The following ANK2 variants were observed in gnomAD, a reference collection of about 807,000 sequenced individuals.
ANK2 encodes ankyrin 2.
Under a neutral mutation model 360.5 loss-of-function variants are expected in ANK2, and 83 were observed. The ratio of observed to expected loss-of-function variants is 0.23; its 90% CI spans 0.19 to 0.28. The LOEUF is 0.28. ANK2 is among the 10% of genes least tolerant of loss of function. The probability of loss-of-function intolerance (pLI) is 1.00; values close to 1 mark genes in which losing one functional copy is unlikely to be tolerated. For missense variants in ANK2, 4,201 were observed against 4,795.7 expected (o/e 0.88, Z 3.66); for synonymous variants, 1,740 against 1,759.5 (o/e 0.99, Z 0.28).
the ANK2 span, among the ~76,000 whole-genome samples, chr4:112,714,563 G>C: frequency 6.6e-6 from 1 of 152,172 alleles, no homozygotes; most frequent in Non-Finnish European, 1.5e-5. Context: ...AAGGAAGGCT[G>C]TTTATGAAAG....
rs367598000 is a variant in ANK2, at chr4:113,013,183, G to A, written c.21+108669G>A. Among the ~76,000 whole-genome samples the A allele has an allele frequency of 6.5e-4, 99 of 152,214 alleles. 2 individuals carry two copies. The South Asian group carries it at 0.019, about 29-fold the overall frequency. ...GGAATTGATAGCCCCAATGAACTGC[G>A]CTCTAATTTATGATTCGTTCAGAGT... On this transcript the variant is annotated intron_variant, in intron 2 of 30. Coordinates refer to the ANK2 transcript ENST00000503271.
At chr4:112,821,752 G>A (rs1449366465) in intron 1 of ANK2, among the ~76,000 whole-genome samples, 1 of 148,600 alleles carries the variant, frequency 6.7e-6, no homozygotes, top group Non-Finnish European at 1.5e-5. Flanking sequence ...TTCTATTTGG[G>A]TGGTTTTCTG....
In ANK2 at chr4:113,381,880, C is replaced by T. The variant is rs750781830; in HGVS notation, c.*409C>T. ...TATCCAATACTTTGTTGTGTCTGTG[C>T]TAACCTGGGAACTGGCCACCTCCAT... On this transcript the variant is annotated 3_prime_UTR_variant, in exon 46 of 46. Transcript: ENST00000357077. 5.3e-6 allele frequency: 2 copies of T among 377,766 alleles called. No homozygotes were observed. The highest frequency in any genetic ancestry group is 3.7e-5 in the Admixed American group (1 of 27,072). The allele number at this position is 377,766 out of a possible 1,614,324, so 23.4% of individuals were successfully genotyped here. A position where few individuals can be genotyped will look rare whatever the true frequency, so the allele number is the denominator to read the frequency against.
chr4:113,182,306 T>C (rs999583695), intron 2 of ANK2, among the ~76,000 whole-genome samples: 1 of 152,128 alleles, frequency 6.6e-6, no homozygotes, highest in Non-Finnish European at 1.5e-5. Context: ...GTTTGATTTG[T>C]TTGTGTGATA....
chr4:113,338,286 T>G (rs1055118403), intron 31 of ANK2, among the ~76,000 whole-genome samples: 2 of 152,150 alleles, frequency 1.3e-5, no homozygotes, highest in Non-Finnish European at 2.9e-5. Flanking sequence ...AATTTTGTCC[T>G]TATCTATGTG....
intron 2 of ANK2, among the ~76,000 whole-genome samples, chr4:113,178,817 G>A (rs1421484713): frequency 6.6e-6 from 1 of 152,098 alleles, no homozygotes; most frequent in African/African-American, 2.4e-5. Flanking sequence ...GTAGAAACTG[G>A]GCCCACAGTG....
At chr4:113,223,043 A>G (rs2099169074) in intron 4 of ANK2, among the ~76,000 whole-genome samples, 1 of 152,180 alleles carries the variant, frequency 6.6e-6, no homozygotes, top group African/African-American at 2.4e-5. Context: ...ATTAGTACCC[A>G]TTGGTTTTTT....
chr4:112,749,675 T>G, the ANK2 span, among the ~76,000 whole-genome samples: 1 of 152,174 alleles, frequency 6.6e-6, no homozygotes, highest in African/African-American at 2.4e-5. Context: ...ATGAAGCAAA[T>G]TTTAGACACT....
chr4:113,089,360 G>A (rs1473554475), intron 1 of ANK2, among the ~76,000 whole-genome samples: 4 of 152,188 alleles, frequency 2.6e-5, no homozygotes, highest in South Asian at 2.1e-4. Flanking sequence ...TCTCTAAAAT[G>A]TGCCTCCTAA....
chr4:112,720,115 A>G, the ANK2 span, among the ~76,000 whole-genome samples: 1 of 152,148 alleles, frequency 6.6e-6, no homozygotes. Context: ...TTCTTTAAAC[A>G]TTAATGTCAA....
intron 9 of ANK2, among the ~76,000 whole-genome samples, chr4:113,246,599 A>G (rs2043010130): frequency 6.6e-6 from 1 of 152,196 alleles, no homozygotes; most frequent in Non-Finnish European, 1.5e-5. Context: ...GCATATTAGG[A>G]TTATGTTTAA....
intron 1 of ANK2, among the ~76,000 whole-genome samples, chr4:112,900,367 T>G (rs1025552028): frequency 3.3e-5 from 5 of 152,136 alleles, no homozygotes; most frequent in African/African-American, 1.2e-4. Context: ...TTTTTCTCAA[T>G]TGGTTTGTTC....
At chr4:112,991,619 C>CTTTTTTTTTTTTTTTTTTT (rs35505334) in intron 2 of ANK2, among the ~76,000 whole-genome samples, 4 of 125,854 alleles carry the variant, frequency 3.2e-5, no homozygotes, top group Non-Finnish European at 4.8e-5. Context: ...TTCTTTCTTT[C>CTTTTTTTTTTTTTTTTTTT]TTTTTTTTTT....
At chr4:113,281,931 G>T (rs2153711244) in intron 17 of ANK2, among the ~76,000 whole-genome samples, 1 of 152,228 alleles carries the variant, frequency 6.6e-6, no homozygotes, top group Non-Finnish European at 1.5e-5. Flanking sequence ...AGCTAATTTT[G>T]TTGTTGAATA....
chr4:113,042,658 G>A (rs2063270141), intron 2 of ANK2, among the ~76,000 whole-genome samples: 1 of 152,092 alleles, frequency 6.6e-6, no homozygotes, highest in African/African-American at 2.4e-5. Context: ...AGTCACTACT[G>A]CAGGCCTGGC....
At chr4:112,991,790 C>T (rs2046929506) in intron 2 of ANK2, among the ~76,000 whole-genome samples, 1 of 151,866 alleles carries the variant, frequency 6.6e-6, no homozygotes, top group Admixed American at 6.6e-5. Flanking sequence ...TAGCAATTCC[C>T]TCAGATTCAT....
At chr4:113,011,403 C>T (rs902178684) in intron 2 of ANK2, among the ~76,000 whole-genome samples, 2 of 152,022 alleles carry the variant, frequency 1.3e-5, no homozygotes, top group African/African-American at 4.8e-5. Flanking sequence ...GAAAAGCATA[C>T]AAATTTATTT....
At chr4:113,188,637 A>T (rs930116906) in intron 2 of ANK2, among the ~76,000 whole-genome samples, 4 of 152,198 alleles carry the variant, frequency 2.6e-5, no homozygotes, top group Non-Finnish European at 5.9e-5. Context: ...GACCCAGAAT[A>T]TGCTTCTATT....
At chr4:112,985,381 G>A (rs965227908) in intron 2 of ANK2, among the ~76,000 whole-genome samples, 22 of 152,066 alleles carry the variant, frequency 1.4e-4, no homozygotes, top group Admixed American at 7.9e-4. Flanking sequence ...TCCCCACTTC[G>A]CTCATTTCTT....
Sources: allele counts gnomAD v4.1 joint callset (sites outside exome capture counted in the v4.1 genomes callset), GRCh38; gene constraint gnomAD v4.1.1; transcripts MANE v1.5; gene names NCBI Gene and HGNC (gene_info 2026-07-23, HGNC 2026-07-21).